STK32B: variants seen among roughly 807,000 people sequenced by gnomAD.
STK32B encodes the protein serine/threonine-protein kinase 32B.
Under a neutral mutation model 52.6 loss-of-function variants are expected in STK32B, and 43 were observed. The ratio of observed to expected loss-of-function variants is 0.82; its 90% confidence interval spans 0.64 to 1.05. The LOEUF is 1.05. Among genes scored for constraint, STK32B ranks in the 50% least tolerant of loss-of-function variants. STK32B has a pLI of 0.00. For synonymous variants in STK32B, 238 were observed against 204.3 expected (o/e 1.17, Z -1.41); for missense variants, 621 against 534.6 (o/e 1.16, Z -1.59).
intron 7 of STK32B, among the ~76,000 whole-genome samples, chr4:5,451,112 T>C (rs1577524974): frequency 1.3e-5 from 2 of 152,294 alleles, no homozygotes; most frequent in Admixed American, 1.3e-4. Flanking sequence ...GCATAGGCGG[T>C]GTCTGGCACA....
rs58062606 is a variant in STK32B at position 5,239,525 on chromosome 4, A to C, written c.260+71075A>C. ...AGGTAATGGGCTCTGGCTCTCCCTA[A>C]GCATGCGGGAGATGCTGGGTCTGGA... On this transcript the variant is annotated intron_variant, in intron 3 of 11. Coordinates refer to ENST00000282908, the MANE Select transcript of STK32B (RefSeq NM_018401.3). 6.9e-3 allele frequency among the ~76,000 whole-genome samples: 1,054 copies of C among 152,140 alleles called. 16 individuals are homozygous for C. The East Asian group carries it at 0.076, about 11-fold the overall frequency.
chr4:5,356,564 A>G (rs577934474), intron 4 of STK32B, among the ~76,000 whole-genome samples: 1 of 151,942 alleles, frequency 6.6e-6, no homozygotes, highest in Non-Finnish European at 1.5e-5. Flanking sequence ...TATGCGCTAC[A>G]TTCACCCCTT....
chr4:5,063,555 C>A (rs1742298854), intron 1 of STK32B, among the ~76,000 whole-genome samples: 1 of 152,108 alleles, frequency 6.6e-6, no homozygotes, highest in Non-Finnish European at 1.5e-5. Context: ...GTTGGCCAGG[C>A]TGGTCTTGAA....
At chr4:5,186,708 C>T (rs1453215431) in intron 3 of STK32B, among the ~76,000 whole-genome samples, 1 of 152,144 alleles carries the variant, frequency 6.6e-6, no homozygotes, top group Non-Finnish European at 1.5e-5. Flanking sequence ...CTTCATCAGT[C>T]TCCAGCGCCT....
At chr4:5,458,393 T>G (rs1392944492) in intron 8 of STK32B, among the ~76,000 whole-genome samples, 2 of 152,164 alleles carry the variant, frequency 1.3e-5, no homozygotes, top group African/African-American at 4.8e-5. Context: ...CGATGGCTCT[T>G]CTCCCTTACT....
chr4:5,165,359 A>G (rs1349329541), intron 2 of STK32B, among the ~76,000 whole-genome samples: 1 of 152,132 alleles, frequency 6.6e-6, no homozygotes, highest in Non-Finnish European at 1.5e-5. Context: ...GCCAGTTTTA[A>G]TTTAATTTTG....
intron 4 of STK32B, among the ~76,000 whole-genome samples, chr4:5,347,335 AAAT>A (rs1255891272): frequency 6.6e-6 from 1 of 152,224 alleles, no homozygotes; most frequent in South Asian, 2.1e-4. Flanking sequence ...CTATAAATAA[AAAT>A]ACTATCTACA....
chr4:5,315,057 A>T (rs1482395921), intron 3 of STK32B, among the ~76,000 whole-genome samples: 1 of 152,144 alleles, frequency 6.6e-6, no homozygotes, highest in African/African-American at 2.4e-5. Flanking sequence ...GGAGAAGAAA[A>T]TATTTGCAAA....
intron 3 of STK32B, among the ~76,000 whole-genome samples, chr4:5,197,167 G>C (rs1178549446): frequency 6.6e-6 from 1 of 152,218 alleles, no homozygotes; most frequent in African/African-American, 2.4e-5. Flanking sequence ...AATAGGGAGT[G>C]ATGGAGACTG....
At chr4:5,442,948 C>G (rs1265822479) in intron 6 of STK32B, among the ~76,000 whole-genome samples, 2 of 151,954 alleles carry the variant, frequency 1.3e-5, no homozygotes, top group Non-Finnish European at 2.9e-5. Context: ...TCTCTTCTGG[C>G]TTGTAGGGTG....
At chr4:5,133,450 C>T (rs1715894889) in intron 1 of STK32B, among the ~76,000 whole-genome samples, 1 of 152,150 alleles carries the variant, frequency 6.6e-6, no homozygotes, top group African/African-American at 2.4e-5. Flanking sequence ...CCCATACTCC[C>T]ACTACTCAAT....
At chr4:5,226,126 T>C (rs945269382) in intron 3 of STK32B, among the ~76,000 whole-genome samples, 1 of 152,248 alleles carries the variant, frequency 6.6e-6, no homozygotes, top group Non-Finnish European at 1.5e-5. Flanking sequence ...ACTCAGGTTC[T>C]AAATGTGAAG....
At chr4:5,498,873 C>G in intron 11 of STK32B, 72 bp from the exon 12 acceptor site, 1 of 1,506,686 alleles carries the variant, frequency 6.6e-7, no homozygotes, top group Non-Finnish European at 8.9e-7. Flanking sequence ...CCCTGCCTGC[C>G]CAGTGTGTCT....
Position 5,493,685 on chromosome 4 carries a change from G to A in STK32B, c.1107-5260G>A, listed in dbSNP as rs567704053. Among the ~76,000 whole-genome samples the A allele has an allele frequency of 8.6e-3, 1,305 of 152,164 alleles. 16 individuals are homozygous for A. Among genetic ancestry groups the A allele is most frequent in the African/African-American group, 0.03 (1,235 of 41,502 alleles). On this transcript the variant is annotated intron_variant, in intron 11 of 11. Coordinates refer to ENST00000282908, the MANE Select transcript of STK32B (RefSeq NM_018401.3). ...ATGGTGATGTCAGGGTGTCAATTTT[G>A]GATCTTTCCTGCTTTCTCTTGTGGG...
chr4:5,493,621 C>A (rs1719940320), intron 11 of STK32B, among the ~76,000 whole-genome samples: 1 of 152,184 alleles, frequency 6.6e-6, no homozygotes, highest in South Asian at 2.1e-4. Context: ...CTTCTGCTAG[C>A]TTTTGGATGT....
chr4:5,364,723 G>C lies in STK32B; in HGVS notation c.434+33330G>C, dbSNP rs577952319. ...GGGATCCCCAAAGGAGCTAGAAGAA[G>C]AGAGCAGGAAATCATGCTAAGCAGA... is the stretch of plus-strand genomic sequence containing the variant. On this transcript the variant is annotated intron_variant, in intron 4 of 11. Transcript: ENST00000282908. Among the ~76,000 whole-genome samples, 4 of 152,184 alleles carry C rather than the reference G, an allele frequency of 2.6e-5. No individual in the cohort carries two copies. The East Asian group carries it at 7.7e-4, about 29-fold the overall frequency.
In STK32B at chr4:5,073,460, A is replaced by C. The variant is rs185091003; in HGVS notation, c.52+21545A>C. Among the ~76,000 whole-genome samples the C allele has an allele frequency of 2.9e-3, 437 of 152,036 alleles. 4 individuals are homozygous for C. Among genetic ancestry groups the C allele is most frequent in the South Asian group, 0.015 (72 of 4,818 alleles). On this transcript the variant is annotated intron_variant, in intron 1 of 11. Transcript: ENST00000282908. ...TTTTGTAATATATCTTTATTTCTAC[A>C]TGTAATATAAAACTCATGGTATGTG... is the stretch of plus-strand genomic sequence containing the variant.
chr4:5,353,745 T>C (rs1005379726), intron 4 of STK32B, among the ~76,000 whole-genome samples: 1 of 152,158 alleles, frequency 6.6e-6, no homozygotes, highest in African/African-American at 2.4e-5. Flanking sequence ...TAATAGCAGA[T>C]GCTGGTGAGG....
intron 3 of STK32B, among the ~76,000 whole-genome samples, chr4:5,298,221 A>AC (rs977090935): frequency 1.1e-4 from 16 of 151,790 alleles, no homozygotes; most frequent in African/African-American, 3.9e-4. Context: ...GTGTCTGTCG[A>AC]CCCCTGCTGC....
Sources: gnomAD v4.1 joint callset for allele counts (sites outside exome capture counted in the v4.1 genomes callset) on GRCh38, gnomAD v4.1.1 for gene constraint, MANE v1.5 for transcripts, NCBI Gene and HGNC (gene_info 2026-07-23, HGNC 2026-07-21) for gene names.